Variants in P3H2 observed in about 807,000 individuals in gnomAD.
P3H2 encodes leprecan-like 1.
A neutral mutation model predicts 87.0 loss-of-function variants in P3H2; 80 were observed. That is an observed-to-expected ratio of 0.92 (90% CI 0.77 to 1.11). The LOEUF (loss-of-function observed/expected upper bound fraction) is 1.11. P3H2 is among the 50% of genes least tolerant of loss of function. The pLI is 0.00. For synonymous variants in P3H2, 367 were observed against 359.3 expected, an observed-to-expected ratio of 1.02 and a Z score of -0.24; for missense variants, 1,001 against 923.9, an observed-to-expected ratio of 1.08 and a Z score of -1.08.
chr3:190,033,461 CCTT>C (rs1179335787), intron 1 of P3H2, among the ~76,000 whole-genome samples: 5 of 152,208 alleles, frequency 3.3e-5, no homozygotes, highest in African/African-American at 9.6e-5. Context: ...TTCTCATACT[CCTT>C]GAGAGAAAAT....
chr3:190,052,515 CATTG>C (rs1303407788), intron 1 of P3H2, among the ~76,000 whole-genome samples: 2 of 152,046 alleles, frequency 1.3e-5, no homozygotes, highest in Non-Finnish European at 2.9e-5. Flanking sequence ...TTTTAGCTCA[CATTG>C]ATTGAGATCT....
At chr3:190,002,563 G>A (rs1179876898) in intron 1 of P3H2, among the ~76,000 whole-genome samples, 1 of 151,980 alleles carries the variant, frequency 6.6e-6, no homozygotes, top group Non-Finnish European at 1.5e-5. Flanking sequence ...AACACACCCG[G>A]CTAATTTTTG....
chr3:190,086,611 T>C (rs762817644), intron 1 of P3H2, among the ~76,000 whole-genome samples: 7 of 152,222 alleles, frequency 4.6e-5, no homozygotes, highest in African/African-American at 7.2e-5. Flanking sequence ...ATTTCACAAA[T>C]GGTTAGGACT....
intron 1 of P3H2, among the ~76,000 whole-genome samples, chr3:190,011,619 G>A (rs1199507413): frequency 8.5e-5 from 13 of 152,112 alleles, no homozygotes; most frequent in Non-Finnish European, 1.8e-4. Flanking sequence ...CAGAGCACCC[G>A]ACAGAAAGAG....
chr3:189,995,292 T>C lies in P3H2; in HGVS notation c.631A>G (p.Met211Val), dbSNP rs760904409. Reference protein sequence around the residue: ...QLVDREAKPHMESYNAGVKHY... With the variant: ...QLVDREAKPHVESYNAGVKHY... Reference sequence around the variant, plus strand: ...GGGCAGGGGCCCACAGAGCTTACCATGTGTGGCTTGGCTTCTCTGTCTACC... The same window carrying C: ...GGGCAGGGGCCCACAGAGCTTACCACGTGTGGCTTGGCTTCTCTGTCTACC... Residue 211 changes from methionine to valine, a missense_variant and splice_region_variant, in exon 2 of 15, where the codon ATG (methionine) becomes GTG (valine). Physicochemically the swap from Met to Val is conservative, Grantham distance 21 (BLOSUM62 1). Transcript: ENST00000319332. 3 of 1,614,086 alleles carry C rather than the reference T, an allele frequency of 1.9e-6. No individual in the cohort carries two copies. The highest frequency in any genetic ancestry group is 1.7e-5 in the Admixed American group (1 of 60,014).
intron 1 of P3H2, among the ~76,000 whole-genome samples, chr3:190,067,627 C>A (rs140569730): frequency 1.3e-5 from 2 of 152,142 alleles, no homozygotes; most frequent in Non-Finnish European, 2.9e-5. Flanking sequence ...TCCCCTCCAG[C>A]CATAAAATTC....
chr3:190,094,864 GC>G (rs1727520648), intron 1 of P3H2, among the ~76,000 whole-genome samples: 1 of 152,158 alleles, frequency 6.6e-6, no homozygotes, highest in Non-Finnish European at 1.5e-5. Context: ...CCAAAGTCAG[GC>G]AGCTAGAAAA....
chr3:190,035,030 T>C (rs1053526859), intron 1 of P3H2, among the ~76,000 whole-genome samples: 1 of 151,780 alleles, frequency 6.6e-6, no homozygotes, highest in Non-Finnish European at 1.5e-5. Flanking sequence ...TGTATTATTA[T>C]TAGAGACAGT....
chr3:190,021,510 T>G lies in P3H2; in HGVS notation c.481-26068A>C, dbSNP rs924969013. Among the ~76,000 whole-genome samples the G allele has an allele frequency of 3.2e-4, 43 of 135,454 alleles. 8 individuals carry two copies. Among genetic ancestry groups the G allele is most frequent in the Non-Finnish European group, 8.3e-5 (5 of 60,540 alleles). 88.9% of individuals were successfully genotyped at this position (135,454 alleles called of 152,430 possible). A position where few individuals can be genotyped will look rare whatever the true frequency, so the allele number is the denominator to read the frequency against. Reference sequence around the variant, plus strand: ...TATATTTTTTCTTTTATAATTTCCTTTTTTAAAAAAGTAACTTTCTCTTCT... The same window carrying G: ...TATATTTTTTCTTTTATAATTTCCTGTTTTAAAAAAGTAACTTTCTCTTCT... On this transcript the variant is annotated intron_variant, in intron 1 of 14. Transcript: ENST00000319332.
chr3:190,001,708 C>G (rs1373875291), intron 1 of P3H2, among the ~76,000 whole-genome samples: 1 of 152,140 alleles, frequency 6.6e-6, no homozygotes, highest in Non-Finnish European at 1.5e-5. Context: ...CACTAAACAA[C>G]CAAATTCATC....
chr3:190,106,966 A>AT (rs1157320796), intron 1 of P3H2, among the ~76,000 whole-genome samples: 1 of 152,212 alleles, frequency 6.6e-6, no homozygotes, highest in Non-Finnish European at 1.5e-5. Flanking sequence ...TGTTATCACT[A>AT]ATAACTATAG....
At chr3:190,032,330 G>T (rs1725280252) in intron 1 of P3H2, among the ~76,000 whole-genome samples, 2 of 152,020 alleles carry the variant, frequency 1.3e-5, no homozygotes, top group Non-Finnish European at 2.9e-5. Flanking sequence ...TTTACTATAT[G>T]AATTGCCTTA....
intron 7 of P3H2, among the ~76,000 whole-genome samples, chr3:189,983,965 T>C (rs1010597903): frequency 6.6e-6 from 1 of 152,078 alleles, no homozygotes; most frequent in African/African-American, 2.4e-5. Context: ...TTAGGAGATA[T>C]ACCTAATGCT....
intron 1 of P3H2, among the ~76,000 whole-genome samples, chr3:190,053,430 T>C (rs2108962272): frequency 6.6e-6 from 1 of 151,834 alleles, no homozygotes; most frequent in African/African-American, 2.4e-5. Flanking sequence ...GCCTTTTTAT[T>C]TTTATTTTTA....
rs3062112 is a variant in P3H2, at chr3:189,957,700, A to AAG, written c.*210_*211dup. The AAG allele has an allele frequency of 0.045, 24,168 of 542,136 alleles. 1,085 individuals carry two copies. Among genetic ancestry groups the AAG allele is most frequent in the East Asian group, 0.25 (7,668 of 30,788 alleles). 33.6% of individuals were successfully genotyped at this position (542,136 alleles called of 1,614,324 possible). Reference sequence around the variant, plus strand: ...AACATGGTTAGACCATGTCTCTAAGAAGAGAGAGAGAGAGAGAGAGAGAGA... The same window carrying AAG: ...AACATGGTTAGACCATGTCTCTAAGAAGAGAGAGAGAGAGAGAGAGAGAGAGA... On this transcript the variant is annotated 3_prime_UTR_variant, in exon 15 of 15. Coordinates refer to ENST00000319332, the MANE Select transcript of P3H2 (RefSeq NM_018192.4).
chr3:189,983,166 G>C (rs1392769427), intron 7 of P3H2, 26 bp from the exon 8 acceptor site: 2 of 1,548,352 alleles, frequency 1.3e-6, no homozygotes, highest in East Asian at 4.5e-5. Flanking sequence ...ATTTAAAATG[G>C]CAATTTGTCA....
chr3:190,090,433 G>C (rs1397419919), intron 1 of P3H2, among the ~76,000 whole-genome samples: 2 of 152,174 alleles, frequency 1.3e-5, no homozygotes, highest in Non-Finnish European at 2.9e-5. Flanking sequence ...GCCGCGCACG[G>C]TGGCTCACGC....
In P3H2 at chr3:189,983,082, T is replaced by C. The variant is rs1377708516; in HGVS notation, c.1288A>G (p.Lys430Glu). Residue 430 changes from lysine to glutamate, a missense_variant, in exon 8 of 15, where the codon AAG (lysine) becomes GAG (glutamate). Transcript: ENST00000319332. ...AEVHGFSMGK[K>E]LSPKIDRDLR... ...TCTCGATCTATCTTGGGTGATAGCT[T>C]TTTTCCCATTGAGAATCCATGAACT... is the stretch of plus-strand genomic sequence containing the variant. 1 of 1,613,954 alleles carries C rather than the reference T, an allele frequency of 6.2e-7. No homozygotes were observed. The highest frequency in any genetic ancestry group is 1.7e-5 in the Admixed American group (1 of 60,010).
At chr3:189,980,864 T>C (rs964170874) in intron 8 of P3H2, among the ~76,000 whole-genome samples, 1 of 152,206 alleles carries the variant, frequency 6.6e-6, no homozygotes. Context: ...AGATTCAGAA[T>C]GGGGCTGGTC....
Sources: gnomAD v4.1 joint callset for allele counts (sites outside exome capture counted in the v4.1 genomes callset) on GRCh38, gnomAD v4.1.1 for gene constraint, MANE v1.5 for transcripts, NCBI Gene and HGNC (gene_info 2026-07-23, HGNC 2026-07-21) for gene names.